Variants in TNRC6B observed in about 807,000 individuals in gnomAD.
The protein encoded by TNRC6B is trinucleotide repeat containing adaptor 6B.
TNRC6B carries 52 observed loss-of-function variants against 203.6 expected under a neutral mutation model. The observed-to-expected ratio is 0.26, with a 90% CI of 0.20 to 0.32. The LOEUF is 0.32. Among genes scored for constraint, TNRC6B ranks in the 10% least tolerant of loss-of-function variants. The pLI is 1.00. For missense variants in TNRC6B, 1,923 were observed against 2,286.2 expected (o/e 0.84, Z 3.24); for synonymous variants, 838 against 845.7 (o/e 0.99, Z 0.16).
At chr22:40,077,412 G>A (rs1454587190) in intron 1 of TNRC6B, among the ~76,000 whole-genome samples, 2 of 152,168 alleles carry the variant, frequency 1.3e-5, no homozygotes, top group African/African-American at 4.8e-5. Context: ...TAATGGGAGG[G>A]CAAGTCTGGT....
intron 1 of TNRC6B, among the ~76,000 whole-genome samples, chr22:40,200,444 G>A (rs2069397606): frequency 6.6e-6 from 1 of 150,470 alleles, no homozygotes; most frequent in Non-Finnish European, 1.5e-5. Flanking sequence ...GCACCCCCAC[G>A]CCCAGCTAAT....
chr22:40,298,338 C>T lies in TNRC6B; in HGVS notation c.3709-2117C>T, dbSNP rs540125374. ...TGAAAGCACAGCTTTTAACAGAATG[C>T]TTAGGGTCTACTTGGTGTTAGACTA... On this transcript the variant is annotated intron_variant, in intron 12 of 22. Transcript: ENST00000454349. 1.5e-4 allele frequency among the ~76,000 whole-genome samples: 23 copies of T among 152,164 alleles called. 2 individuals are homozygous for T. The South Asian group carries it at 4.1e-3, about 27-fold the overall frequency.
chr22:40,050,596 C>G (rs951944238), intron 1 of TNRC6B, among the ~76,000 whole-genome samples: 16 of 152,136 alleles, frequency 1.1e-4, no homozygotes, highest in African/African-American at 3.6e-4. Flanking sequence ...TCCCACTACC[C>G]CCATCCACCC....
At chr22:40,106,689 T>C in intron 1 of TNRC6B, 1 of 757,420 alleles carries the variant, frequency 1.3e-6, no homozygotes, top group Non-Finnish European at 2.4e-6. Flanking sequence ...GAAGCCCTGT[T>C]GAGCTTCACA....
chr22:40,255,619 A>C (rs934228362), intron 3 of TNRC6B, among the ~76,000 whole-genome samples: 2 of 152,330 alleles, frequency 1.3e-5, no homozygotes, highest in Non-Finnish European at 2.9e-5. Flanking sequence ...ATGTGGCTCC[A>C]ATAAATTGGC....
At chr22:40,085,644 T>C (rs1373138600) in intron 1 of TNRC6B, among the ~76,000 whole-genome samples, 2 of 151,966 alleles carry the variant, frequency 1.3e-5, no homozygotes, top group Non-Finnish European at 2.9e-5. Context: ...TCAGATTGGG[T>C]TTTTTTGGCA....
Position 40,300,559 on chromosome 22 carries a change from G to T in TNRC6B, c.3813G>T (p.Gln1271His). Reference protein sequence around the residue: ...LSPQQIAMLSQLPQIPQFQLA... With the variant: ...LSPQQIAMLSHLPQIPQFQLA... ...CTCAACAAATTGCCATGCTGAGCCA[G>T]CTTCCACAAATTCCCCAGTTTCAGT... The change falls in exon 13 of 23, where the codon CAG becomes CAT. Residue 1271 changes from glutamine (Q) to histidine (H), a missense_variant. Around this residue, in one of 8 missense-constraint regions of TNRC6B, gnomAD observed 242 missense variants for 399.5 expected, o/e 0.61. Transcript: ENST00000454349. 2 of 1,612,766 alleles carry T rather than the reference G, an allele frequency of 1.2e-6. No individual in the cohort carries two copies. The highest frequency in any genetic ancestry group is 8.5e-7 in the Non-Finnish European group (1 of 1,179,600).
chr22:40,142,225 ATTT>A (rs36034249), intron 3 of TNRC6B, among the ~76,000 whole-genome samples: 115 of 143,020 alleles, frequency 8.0e-4, no homozygotes, highest in Admixed American at 1.7e-3. Context: ...CGCCTAGCTA[ATTT>A]TTTTTTTTTT....
chr22:40,074,399 C>T (rs1372299152), intron 1 of TNRC6B, among the ~76,000 whole-genome samples: 2 of 151,886 alleles, frequency 1.3e-5, no homozygotes, highest in African/African-American at 4.8e-5. Context: ...AATCTCAGCA[C>T]TTTCGGGAGG....
At position 40,264,776 on chromosome 22, in the gene TNRC6B, C is replaced by G. The variant is rs1197308480; in HGVS notation, c.546C>G (p.Asn182Lys). The change falls in exon 5 of 23, where the codon AAC becomes AAG. Residue 182 changes from asparagine to lysine, a missense_variant. By Grantham distance (94) the Asn-to-Lys change is moderately conservative. This residue lies in a region of TNRC6B where 614 missense variants were observed against 587.7 expected (regional missense o/e 1.04). Transcript: ENST00000454349. ...GASSNNGTSP[N>K]PIHIWDKVIV... ...CCTCCAACAACGGCACCTCCCCCAACCCAATTCACATCTGGGACAAGGTGA... is the reference window on the plus strand; with the variant it reads ...CCTCCAACAACGGCACCTCCCCCAAGCCAATTCACATCTGGGACAAGGTGA... 3.7e-6 allele frequency: 6 copies of G among 1,613,940 alleles called. No individual in the cohort carries two copies. The highest frequency in any genetic ancestry group is 5.1e-6 in the Non-Finnish European group (6 of 1,179,864).
chr22:40,136,012 G>A (rs188783865), intron 3 of TNRC6B, among the ~76,000 whole-genome samples: 2 of 152,290 alleles, frequency 1.3e-5, no homozygotes, highest in Admixed American at 1.3e-4. Context: ...CAGGAGTTAG[G>A]AGAGCAAGAA....
Position 40,325,122 on chromosome 22 carries a change from T to C in TNRC6B, c.*1881T>C, listed in dbSNP as rs2071386688. On this transcript the variant is annotated 3_prime_UTR_variant, in exon 23 of 23. Coordinates refer to ENST00000454349, the MANE Select transcript of TNRC6B (RefSeq NM_001162501.2). ...TGTTTAACATAAAGTGCCGACATTT[T>C]GTACCAGCAAATACCTGCCCATTCC... 1 of 152,666 alleles carries C rather than the reference T, an allele frequency of 6.6e-6. No individual in the cohort carries two copies. Among genetic ancestry groups the C allele is most frequent in the South Asian group, 2.1e-4 (1 of 4,834 alleles). 9.5% of individuals were successfully genotyped at this position (152,666 alleles called of 1,614,324 possible). A position where few individuals can be genotyped will look rare whatever the true frequency, so the allele number is the denominator to read the frequency against.
intron 3 of TNRC6B, among the ~76,000 whole-genome samples, chr22:40,154,894 T>TAC (rs1448083464): frequency 2.6e-4 from 10 of 38,174 alleles, no homozygotes; most frequent in Non-Finnish European, 4.4e-4. Flanking sequence ...TATATATATA[T>TAC]ACATATATAT....
rs1555884426 is a variant in TNRC6B, at chr22:40,130,779, T to TCAAAAAA, written c.45+4917_45+4918insCAAAAAA. On this transcript the variant is annotated intron_variant, in intron 3 of 23. Transcript: ENST00000301923. ...GCCTGGGCGACAGGGAGACTCCGTC[T>TCAAAAAA]AAAAAAAAAAAAAAAAAAAAAAAAT... Among the ~76,000 whole-genome samples the TCAAAAAA allele has an allele frequency of 5.7e-4, 37 of 65,032 alleles. 6 individuals carry two copies. Among genetic ancestry groups the TCAAAAAA allele is most frequent in the African/African-American group, 2.4e-3 (36 of 15,242 alleles). The allele number at this position is 65,032 out of a possible 152,430, so 42.7% of individuals were successfully genotyped here.
intron 5 of TNRC6B, among the ~76,000 whole-genome samples, chr22:40,269,413 G>A (rs1044478639): frequency 1.1e-4 from 17 of 152,044 alleles, no homozygotes; most frequent in Non-Finnish European, 2.2e-4. Context: ...GATAACAGGC[G>A]TGAGCCATTG....
At chr22:40,310,762 C>G in intron 16 of TNRC6B, 55 bp from the exon 17 acceptor site, 1 of 1,498,194 alleles carries the variant, frequency 6.7e-7, no homozygotes, top group Middle Eastern at 1.9e-4. Context: ...AAAAAATAGA[C>G]AAGTTCTATT....
At chr22:40,132,379 C>T (rs2068553577) in intron 3 of TNRC6B, among the ~76,000 whole-genome samples, 1 of 148,272 alleles carries the variant, frequency 6.7e-6, no homozygotes, top group African/African-American at 2.5e-5. Flanking sequence ...AAAGACGAGA[C>T]GAGACGGGAC....
chr22:40,322,348 C>T (rs2071344992), intron 22 of TNRC6B, among the ~76,000 whole-genome samples: 2 of 152,164 alleles, frequency 1.3e-5, no homozygotes, highest in African/African-American at 4.8e-5. Context: ...GTCAAGATTG[C>T]TGAACCCCTC....
intron 1 of TNRC6B, among the ~76,000 whole-genome samples, chr22:40,077,045 G>A (rs2068021010): frequency 7.0e-6 from 1 of 142,216 alleles, no homozygotes; most frequent in South Asian, 2.3e-4. Flanking sequence ...AAAAGAAAAG[G>A]AAAGGAAAAG....
Sources: gnomAD v4.1 joint callset for allele counts (sites outside exome capture counted in the v4.1 genomes callset) on GRCh38, gnomAD v4.1.1 for gene constraint, gnomAD v4.1.1 regional missense constraint, MANE v1.5 for transcripts, NCBI Gene and HGNC (gene_info 2026-07-23, HGNC 2026-07-21) for gene names.